The following ENOX2 variants were observed in gnomAD, a reference collection of about 807,000 sequenced individuals.
ENOX2 encodes ecto-NOX disulfide-thiol exchanger 2.
In ENOX2, 36 loss-of-function variants were observed where a neutral mutation model predicts 45.0. The observed-to-expected ratio is 0.80, with a 90% CI of 0.61 to 1.06. The LOEUF is 1.06. Ranked by LOEUF, ENOX2 falls within the 50% of genes least tolerant of loss-of-function variation. The pLI, the probability that ENOX2 is intolerant of heterozygous loss-of-function variation, is 0.00. For synonymous variants in ENOX2, 174 were observed against 152.3 expected (o/e 1.14, Z -1.05); for missense variants, 423 against 462.5 (o/e 0.91, Z 0.78).
chrX:130,833,538 C>G (rs1037204218), intron 2 of ENOX2, among the ~76,000 whole-genome samples: 9 of 111,296 alleles, frequency 8.1e-5, no homozygotes, highest in African/African-American at 2.9e-4. Context: ...AATGGAACAG[C>G]AACTGCCATA....
At chrX:130,722,687 T>C (rs1414776009) in intron 3 of ENOX2, among the ~76,000 whole-genome samples, 1 of 112,115 alleles carries the variant, frequency 8.9e-6, no homozygotes, top group Non-Finnish European at 1.9e-5. Flanking sequence ...CTAGAGTCCA[T>C]AGCCTTTATT....
intron 2 of ENOX2, among the ~76,000 whole-genome samples, chrX:130,854,489 T>C (rs2078272279): frequency 9.0e-6 from 1 of 111,433 alleles, no homozygotes; most frequent in Admixed American, 9.5e-5. Context: ...TTCAAAGAAA[T>C]AATGGGTAAA....
In ENOX2 at chrX:130,816,067, G is replaced by A. The variant is rs185847399; in HGVS notation, c.-182-32377C>T. On this transcript the variant is annotated intron_variant, in intron 2 of 14. Transcript: ENST00000394363. ...TGGAGGAATATTTACCAAGCAAATG[G>A]AAAGCAAAACAAAAACAAACAAACA... Among the ~76,000 whole-genome samples, 12 of 111,452 alleles carry A rather than the reference G, an allele frequency of 1.1e-4. No individual in the cohort carries two copies. The South Asian group carries it at 4.5e-3, about 42-fold the overall frequency.
intron 2 of ENOX2, among the ~76,000 whole-genome samples, chrX:130,800,248 T>C (rs918423460): frequency 9.0e-6 from 1 of 110,726 alleles, no homozygotes; most frequent in Admixed American, 9.7e-5. Context: ...GCATGGTAGT[T>C]GTGTACACAT....
intron 3 of ENOX2, among the ~76,000 whole-genome samples, chrX:130,760,760 TG>T (rs2039466448): frequency 1.4e-5 from 1 of 73,477 alleles, no homozygotes; most frequent in Non-Finnish European, 2.3e-5. Flanking sequence ...CACTCCAGCC[TG>T]GGTGACAGAG....
chrX:130,740,392 G>C (rs2148313192), intron 3 of ENOX2, among the ~76,000 whole-genome samples: 1 of 103,397 alleles, frequency 9.7e-6, no homozygotes, highest in East Asian at 2.9e-4. Flanking sequence ...ACCTGAGTGA[G>C]ACTCTGTCTC....
At chrX:130,819,974 T>C (rs1448114961) in intron 2 of ENOX2, among the ~76,000 whole-genome samples, 1 of 111,763 alleles carries the variant, frequency 8.9e-6, no homozygotes, top group Non-Finnish European at 1.9e-5. Flanking sequence ...ACAAATAGGA[T>C]ACACATCAAT....
chrX:130,787,625 T>C, intron 2 of ENOX2, among the ~76,000 whole-genome samples: 1 of 111,841 alleles, frequency 8.9e-6, no homozygotes, highest in African/African-American at 3.2e-5. Flanking sequence ...TGTTCAGTTA[T>C]AGACATTTTA....
chrX:130,852,888 C>CA (rs1352422766), intron 2 of ENOX2, among the ~76,000 whole-genome samples: 5 of 110,162 alleles, frequency 4.5e-5, no homozygotes, highest in East Asian at 2.8e-4. Flanking sequence ...TGAATTACAA[C>CA]AAAAAAAATA....
chrX:130,794,276 G>T (rs1238028060), intron 2 of ENOX2, among the ~76,000 whole-genome samples: 1 of 112,308 alleles, frequency 8.9e-6, no homozygotes, highest in Non-Finnish European at 1.9e-5. Flanking sequence ...ATAAATAATT[G>T]CAGATTTCAG....
chrX:130,625,131 C>T lies in ENOX2; in HGVS notation c.*183G>A. 1 of 455,465 alleles carries T rather than the reference C, an allele frequency of 2.2e-6. No homozygotes were observed. The highest frequency in any genetic ancestry group is 4.3e-5 in the South Asian group (1 of 23,529). 37.5% of individuals were successfully genotyped at this position (455,465 alleles called of 1,213,427 possible). On this transcript the variant is annotated 3_prime_UTR_variant, in exon 15 of 15. Coordinates refer to ENST00000394363, the MANE Select transcript of ENOX2 (RefSeq NM_006375.4). ...GCACTTGTGGTTTGAGGCAATTTCT[C>T]TTTAGGGCCTGTAGTTCGAGGTGCT...
chrX:130,833,665 G>A (rs2077877154), intron 2 of ENOX2, among the ~76,000 whole-genome samples: 1 of 111,008 alleles, frequency 9.0e-6, no homozygotes, highest in Non-Finnish European at 1.9e-5. Context: ...AAGGATATCC[G>A]AAAAATGAAG....
At chrX:130,630,984 C>CAAAG (rs966157009) in intron 13 of ENOX2, among the ~76,000 whole-genome samples, 4 of 110,040 alleles carry the variant, frequency 3.6e-5, no homozygotes, top group Non-Finnish European at 5.7e-5. Context: ...AACAAACAAA[C>CAAAG]AAACAAACAA....
At chrX:130,827,735 A>G (rs1482682678) in intron 2 of ENOX2, among the ~76,000 whole-genome samples, 1 of 111,962 alleles carries the variant, frequency 8.9e-6, no homozygotes, top group East Asian at 2.8e-4. Context: ...CCATTTTTTA[A>G]AAGCCAATGA....
chrX:130,678,234 T>G (rs1390831800), intron 6 of ENOX2, among the ~76,000 whole-genome samples: 1 of 111,579 alleles, frequency 9.0e-6, no homozygotes, highest in African/African-American at 3.3e-5. Flanking sequence ...ACCACTGTAC[T>G]ATACAGGCCA....
chrX:130,817,320 G>C (rs1287925617), intron 2 of ENOX2, among the ~76,000 whole-genome samples: 1 of 111,877 alleles, frequency 8.9e-6, no homozygotes, highest in East Asian at 2.8e-4. Context: ...TGGATTCACA[G>C]CCAAATTCTA....
At chrX:130,632,896 G>C (rs1049428688) in intron 12 of ENOX2, among the ~76,000 whole-genome samples, 1 of 112,087 alleles carries the variant, frequency 8.9e-6, no homozygotes. Flanking sequence ...TAAGCCATGG[G>C]CTTCACATCT....
At chrX:130,668,277 A>G (rs1196132961) in intron 7 of ENOX2, among the ~76,000 whole-genome samples, 1 of 111,277 alleles carries the variant, frequency 9.0e-6, no homozygotes, top group Non-Finnish European at 1.9e-5. Context: ...TGTTGGGAGG[A>G]GCCTCAGGGA....
chrX:130,802,719 T>G (rs1023522891), intron 2 of ENOX2, among the ~76,000 whole-genome samples: 1 of 111,662 alleles, frequency 9.0e-6, no homozygotes, highest in African/African-American at 3.3e-5. Flanking sequence ...TTTTTAATAA[T>G]TACTAGGAGC....
Sources: gnomAD v4.1 joint callset for allele counts (sites outside exome capture counted in the v4.1 genomes callset) on GRCh38, gnomAD v4.1.1 for gene constraint, MANE v1.5 for transcripts, NCBI Gene and HGNC (gene_info 2026-07-23, HGNC 2026-07-21) for gene names.